Variants in AQP8 observed in about 807,000 individuals in gnomAD.
AQP8 encodes aquaporin 8.
In AQP8, 14 loss-of-function variants were observed where a neutral mutation model predicts 26.1. The ratio of observed to expected loss-of-function variants is 0.54; its 90% CI spans 0.35 to 0.84. The LOEUF (loss-of-function observed/expected upper bound fraction) is 0.84, where lower values mean the gene tolerates loss of function less well. Among genes scored for constraint, AQP8 ranks in the 40% least tolerant of loss-of-function variants. AQP8 has a pLI of 0.01. For synonymous variants in AQP8, 131 were observed against 150.7 expected (o/e 0.87, Z 0.96); for missense variants, 301 against 340.5 (o/e 0.88, Z 0.91).
chr16:25,218,282 C>T (rs1221764037), intron 2 of AQP8, among the ~76,000 whole-genome samples: 2 of 152,176 alleles, frequency 1.3e-5, no homozygotes, highest in African/African-American at 2.4e-5. Context: ...CAGGTTTTCC[C>T]ACCTGGGTAT....
chr16:25,228,266 T>TA (rs879470622), intron 5 of AQP8, among the ~76,000 whole-genome samples, 178 bp from the exon 6 acceptor site: 1,776 of 139,772 alleles, frequency 0.013, 29 homozygotes, highest in African/African-American at 0.041. Context: ...CTGTCTCAAT[T>TA]AAAAAAAAAA....
rs764825543 is a variant in AQP8 at position 25,217,402 on chromosome 16, G to A, written c.217G>A (p.Gly73Arg). ...GCTGCTGCAGCCGGCCCTGGCCCACGGGCTGGCTTTGGGGCTCGTGATTGC... is the reference window on the plus strand; with the variant it reads ...GCTGCTGCAGCCGGCCCTGGCCCACAGGCTGGCTTTGGGGCTCGTGATTGC... ...TGLLQPALAH[G>R]LALGLVIATL... The change falls in exon 2 of 6, where the codon GGG becomes AGG. Residue 73 changes from glycine to arginine, a missense_variant. Physicochemically the swap from Gly to Arg is moderately radical, Grantham distance 125. Coordinates refer to ENST00000219660, the MANE Select transcript of AQP8 (RefSeq NM_001169.3). The A allele has an allele frequency of 7.4e-6, 12 of 1,614,032 alleles. No individual in the cohort carries two copies. The highest frequency in any genetic ancestry group is 1.7e-5 in the Admixed American group (1 of 60,004).
At chr16:25,219,445 A>C (rs1286986217) in intron 2 of AQP8, among the ~76,000 whole-genome samples, 1 of 151,554 alleles carries the variant, frequency 6.6e-6, no homozygotes, top group Admixed American at 6.6e-5. Context: ...GGCACACAGT[A>C]AGTGTCAGAG....
chr16:25,223,468 G>A (rs2141343597), intron 3 of AQP8, among the ~76,000 whole-genome samples: 1 of 152,336 alleles, frequency 6.6e-6, no homozygotes, highest in Non-Finnish European at 1.5e-5. Context: ...GGGAGGCAGA[G>A]GCGGGAGGAT....
chr16:25,226,973 G>C lies in AQP8; in HGVS notation c.603-95G>C, dbSNP rs571520734. 19 of 1,573,108 alleles carry C rather than the reference G, an allele frequency of 1.2e-5. No individual in the cohort carries two copies. The African/African-American group carries it at 2.6e-4, about 21-fold the overall frequency. Reference sequence around the variant, plus strand: ...TGTAGGAGTTTAGAGAGGGTTTCTGGGTGGTGTGTGACTAGGCCTAGTTGG... The same window carrying C: ...TGTAGGAGTTTAGAGAGGGTTTCTGCGTGGTGTGTGACTAGGCCTAGTTGG... On this transcript the variant is annotated intron_variant, in intron 4 of 5. Transcript: ENST00000219660.
At chr16:25,228,405 C>T in intron 5 of AQP8, 39 bp from the exon 6 acceptor site, 1 of 1,611,120 alleles carries the variant, frequency 6.2e-7, no homozygotes, top group Non-Finnish European at 8.5e-7. Flanking sequence ...TGGGTCTCAC[C>T]TCCGGGGCAG....
chr16:25,223,663 C>T (rs977738467), intron 3 of AQP8, among the ~76,000 whole-genome samples: 4 of 152,078 alleles, frequency 2.6e-5, no homozygotes, highest in African/African-American at 7.2e-5. Flanking sequence ...GAGCTATGAT[C>T]GTGTCACTGC....
chr16:25,222,725 T>A (rs1050562657), intron 3 of AQP8, among the ~76,000 whole-genome samples: 1 of 151,970 alleles, frequency 6.6e-6, no homozygotes. Flanking sequence ...TGTGATAGGG[T>A]CTGAAGCTGT....
chr16:25,221,770 ATT>A (rs1324448413), intron 3 of AQP8, among the ~76,000 whole-genome samples, 187 bp downstream of exon 3: 2 of 151,132 alleles, frequency 1.3e-5, no homozygotes, highest in Non-Finnish European at 3.0e-5. Context: ...TGTATTTTTT[ATT>A]TGTTTGTTTT....
At chr16:25,225,167 G>C (rs1962614314) in intron 4 of AQP8, among the ~76,000 whole-genome samples, 1 of 152,202 alleles carries the variant, frequency 6.6e-6, no homozygotes, top group South Asian at 2.1e-4. Context: ...TTTTGTTGTA[G>C]AGATAGGGGT....
intron 3 of AQP8, 103 bp downstream of exon 3, chr16:25,221,686 C>A: frequency 7.1e-7 from 1 of 1,405,810 alleles, no homozygotes. Context: ...GGGAAATGTC[C>A]AATCTTTTGC....
intron 4 of AQP8, 142 bp downstream of exon 4, chr16:25,224,718 G>T: frequency 1.2e-6 from 1 of 812,942 alleles, no homozygotes; most frequent in Non-Finnish European, 1.9e-6. Flanking sequence ...CTGGCATCAG[G>T]CAGACAACAG....
intron 3 of AQP8, among the ~76,000 whole-genome samples, chr16:25,222,351 C>T (rs982122619): frequency 6.6e-6 from 1 of 152,018 alleles, no homozygotes; most frequent in African/African-American, 2.4e-5. Context: ...CAAGAATTAT[C>T]AATAAAAAAT....
In AQP8 at chr16:25,228,659, GCTCTAGGTT is replaced by G; in HGVS notation, c.*170_*178del. On this transcript the variant is annotated 3_prime_UTR_variant, in exon 6 of 6. Coordinates refer to ENST00000219660, the MANE Select transcript of AQP8 (RefSeq NM_001169.3). ...CTCAGATAGACTGACTGCTGAGGAG[GCTCTAGGTT>G]CTTGGAATTCCTTTGTGCTCATCAG... The G allele has an allele frequency of 1.5e-6, 1 of 648,866 alleles. No homozygotes were observed. Among genetic ancestry groups the G allele is most frequent in the East Asian group, 2.8e-5 (1 of 35,554 alleles). The allele number at this position is 648,866 out of a possible 1,614,324, so 40.2% of individuals were successfully genotyped here.
In AQP8 at chr16:25,217,443, C is replaced by T; in HGVS notation, c.258C>T (p.Ile86=). 1.2e-6 allele frequency: 2 copies of T among 1,613,748 alleles called. No homozygotes were observed. Among genetic ancestry groups the T allele is most frequent in the Non-Finnish European group, 1.7e-6 (2 of 1,179,838 alleles). The change falls in exon 2 of 6, where the codon ATC becomes ATT. Residue 86 remains isoleucine, a splice_region_variant and synonymous_variant. Transcript: ENST00000219660. ...TCGTGATTGCCACGCTGGGGAATAT[C>T]AGGTGAGACCAGCTCTGAGGATTCA... ...LGLVIATLGN[I]SGGHFNPAVS...
intron 2 of AQP8, among the ~76,000 whole-genome samples, chr16:25,219,461 T>C (rs1962529321): frequency 6.6e-6 from 1 of 151,522 alleles, no homozygotes; most frequent in South Asian, 2.1e-4. Flanking sequence ...CAGAGAAATA[T>C]ATGCTGAGTG....
rs771679827 is a variant in AQP8 at position 25,224,517 on chromosome 16, A to G, written c.543A>G (p.Thr181=). The G allele has an allele frequency of 1.9e-6, 3 of 1,613,934 alleles. No individual in the cohort carries two copies. The East Asian group carries it at 6.7e-5, about 36-fold the overall frequency. The change falls in exon 4 of 6, where the codon ACA becomes ACG. Residue 181 remains threonine, a synonymous_variant. Transcript: ENST00000219660. ...AVCMGAINEK[T]KGPLAPFSIG... ...GCATGGGTGCCATCAATGAGAAGAC[A>G]AAGGGCCCTCTGGCCCCGTTCTCCA...
Position 25,217,024 on chromosome 16 carries a change from A to T in AQP8, c.-22A>T. The T allele has an allele frequency of 6.2e-7, 1 of 1,613,874 alleles. No individual in the cohort carries two copies. The highest frequency in any genetic ancestry group is 1.1e-5 in the South Asian group (1 of 91,076). On this transcript the variant is annotated 5_prime_UTR_variant, in exon 1 of 6. The change abolishes an upstream ATG in the 5' untranslated region. Coordinates refer to ENST00000219660, the MANE Select transcript of AQP8 (RefSeq NM_001169.3). Reference sequence around the variant, plus strand: ...TCCCAGCAGCTCAGGCAAGAGTCCGATGTTTGTGCCATCTGATCCTGATGT... The same window carrying T: ...TCCCAGCAGCTCAGGCAAGAGTCCGTTGTTTGTGCCATCTGATCCTGATGT...
chr16:25,221,307 A>C, intron 2 of AQP8, 150 bp from the exon 3 acceptor site: 2 of 905,714 alleles, frequency 2.2e-6, no homozygotes, highest in East Asian at 2.5e-5. Context: ...AATGGAAGCA[A>C]TTTGGTGCCT....
Sources: gnomAD v4.1 joint callset for allele counts (sites outside exome capture counted in the v4.1 genomes callset) on GRCh38, gnomAD v4.1.1 for gene constraint, MANE v1.5 for transcripts, NCBI Gene and HGNC (gene_info 2026-07-23, HGNC 2026-07-21) for gene names.